CC2D2B: variants seen among roughly 807,000 people sequenced by gnomAD.
CC2D2B encodes the protein coiled-coil and C2 domain containing 2B.
A neutral mutation model predicts 161.2 loss-of-function variants in CC2D2B; 128 were observed. The observed-to-expected ratio is 0.79, with a 90% CI of 0.69 to 0.92. The LOEUF (loss-of-function observed/expected upper bound fraction) is 0.92, where lower values mean the gene tolerates loss of function less well. Ranked by LOEUF, CC2D2B falls within the 40% of genes least tolerant of loss-of-function variation. The pLI, the probability that CC2D2B is intolerant of heterozygous loss-of-function variation, is 0.00. For synonymous variants in CC2D2B, 391 were observed against 449.8 expected, an observed-to-expected ratio of 0.87 and a Z score of 1.65; for missense variants, 1,173 against 1,375.1, an observed-to-expected ratio of 0.85 and a Z score of 2.32.
rs2098541089 is a variant in CC2D2B at position 95,927,269 on chromosome 10, A to G, written c.273A>G (p.Glu91=). The stretch of plus-strand genomic sequence containing the variant: ...CACAGACTGAAGTCTCATTGGATGA[A>G]AGTCTTTCATTTTTCATTCTGAGTG... ...LSPQTEVSLD[E]SLSFFILSGE... Residue 91 remains glutamate (E), a synonymous_variant, in exon 6 of 35, where the codon GAA becomes GAG. Transcript: ENST00000646931. 1 of 1,550,986 alleles carries G rather than the reference A, an allele frequency of 6.4e-7. No homozygotes were observed. Among genetic ancestry groups the G allele is most frequent in the Non-Finnish European group, 8.7e-7 (1 of 1,146,180 alleles).
In CC2D2B at chr10:95,972,197, C is replaced by G; in HGVS notation, c.1776C>G (p.Ala592=). 1 of 1,232,002 alleles carries G rather than the reference C, an allele frequency of 8.1e-7. No individual in the cohort carries two copies. Among genetic ancestry groups the G allele is most frequent in the Non-Finnish European group, 1.0e-6 (1 of 987,892 alleles). 76.3% of individuals were successfully genotyped at this position (1,232,002 alleles called of 1,614,324 possible). A position where few individuals can be genotyped will look rare whatever the true frequency, so the allele number is the denominator to read the frequency against. ...EFSSDKLVMP[A]DGEVGSNVPF... is the part of the protein sequence containing the mutation. The stretch of plus-strand genomic sequence containing the variant: ...GCTCTGATAAGCTGGTCATGCCTGC[C>G]GATGGAGAAGTAGGAAGCAGTGAGT... Residue 592 remains alanine (A), a synonymous_variant, in exon 16 of 35, where the codon GCC becomes GCG. Coordinates refer to ENST00000646931, the MANE Select transcript of CC2D2B (RefSeq NM_001349008.3).
chr10:95,949,769 A>G (rs2076341091), intron 9 of CC2D2B, 127 bp from the exon 10 acceptor site: 1 of 395,450 alleles, frequency 2.5e-6, no homozygotes, highest in Non-Finnish European at 4.4e-6. Flanking sequence ...TCAAATTATT[A>G]TTTTTTGTTT....
intron 30 of CC2D2B, among the ~76,000 whole-genome samples, chr10:96,017,888 A>G (rs976130618): frequency 6.6e-6 from 1 of 152,120 alleles, no homozygotes; most frequent in African/African-American, 2.4e-5. Flanking sequence ...AGTGAGCTAT[A>G]ATGGCACCAC....
chr10:95,971,806 T>G (rs935080098), intron 15 of CC2D2B, among the ~76,000 whole-genome samples: 8 of 152,360 alleles, frequency 5.3e-5, no homozygotes, highest in African/African-American at 1.9e-4. Context: ...TTATGTTATA[T>G]GTACCTCATA....
At chr10:95,993,886 TATAG>T (rs1355843592) in intron 22 of CC2D2B, among the ~76,000 whole-genome samples, 11,120 of 98,636 alleles carry the variant, frequency 0.11, 746 homozygotes, top group Middle Eastern at 0.18. Context: ...TATATATATA[TATAG>T]AGAGAGAGAA....
chr10:96,000,359 A>AT, intron 24 of CC2D2B: 4 of 356,376 alleles, frequency 1.1e-5, no homozygotes, highest in East Asian at 1.6e-4. Flanking sequence ...AAATAAATAA[A>AT]ATGTATTTAT....
At chr10:96,030,928 AC>A (rs2141995159) in intron 34 of CC2D2B, among the ~76,000 whole-genome samples, 1 of 152,298 alleles carries the variant, frequency 6.6e-6, no homozygotes, top group Admixed American at 6.5e-5. Context: ...AGTAGCTTTG[AC>A]CTAGGGCAAG....
intron 17 of CC2D2B, among the ~76,000 whole-genome samples, chr10:95,980,471 A>G (rs887095452): frequency 1.3e-5 from 2 of 152,130 alleles, no homozygotes; most frequent in African/African-American, 2.4e-5. Context: ...TTTCTAATCT[A>G]TTCGTTAAGA....
intron 11 of CC2D2B, among the ~76,000 whole-genome samples, chr10:95,959,443 T>C (rs887879509): frequency 1.6e-4 from 24 of 152,144 alleles, no homozygotes; most frequent in African/African-American, 5.8e-4. Flanking sequence ...TCTTATTTAA[T>C]GATAACTACT....
intron 17 of CC2D2B, among the ~76,000 whole-genome samples, chr10:95,980,552 C>G (rs2077477518): frequency 6.6e-6 from 1 of 152,102 alleles, no homozygotes; most frequent in Non-Finnish European, 1.5e-5. Flanking sequence ...AAATTTATTA[C>G]ATGATGGTGT....
chr10:95,926,873 TGC>T (rs1554829000), intron 5 of CC2D2B, among the ~76,000 whole-genome samples: 1 of 150,156 alleles, frequency 6.7e-6, no homozygotes, highest in Non-Finnish European at 1.5e-5. Context: ...TGTGTGTGTG[TGC>T]GCGCGCCTGA....
In CC2D2B at chr10:95,938,054, G is replaced by A. The variant is rs376030619; in HGVS notation, c.400G>A (p.Glu134Lys). 124 of 1,550,780 alleles carry A rather than the reference G, an allele frequency of 8.0e-5. No individual in the cohort carries two copies. Among genetic ancestry groups the A allele is most frequent in the Non-Finnish European group, 1.0e-4 (116 of 1,146,370 alleles). ...SLGVNLQNVA[E>K]SEEEEFMKEF... ...TGGTGTTAATTTACAAAATGTTGCT[G>A]AGAGTGAAGAGGAAGAGTTTATGAA... The change falls in exon 7 of 35, where the codon GAG becomes AAG. Residue 134 changes from glutamate (E) to lysine (K), a missense_variant. Glu to Lys is a moderately conservative substitution (Grantham distance 56). Transcript: ENST00000646931.
intron 15 of CC2D2B, among the ~76,000 whole-genome samples, chr10:95,970,066 C>A (rs1262804883): frequency 6.7e-6 from 1 of 149,754 alleles, no homozygotes; most frequent in African/African-American, 2.5e-5. Flanking sequence ...GATGAAGTCT[C>A]ACCCTGTTGC....
chr10:95,949,749 G>A lies in CC2D2B; in HGVS notation c.802-147G>A, dbSNP rs2076340121. ...AAATTAAGGGCCATAATCAATTTAA[G>A]GAAAAGGAATCAAATTATTATTTTT... On this transcript the variant is annotated intron_variant, in intron 9 of 34. Coordinates refer to ENST00000646931, the MANE Select transcript of CC2D2B (RefSeq NM_001349008.3). 3 of 391,988 alleles carry A rather than the reference G, an allele frequency of 7.7e-6. No individual in the cohort carries two copies. In the Admixed American group the frequency reaches 1.3e-4, roughly 17 times the overall value. 24.3% of individuals were successfully genotyped at this position (391,988 alleles called of 1,614,324 possible). A position where few individuals can be genotyped will look rare whatever the true frequency, so the allele number is the denominator to read the frequency against.
In CC2D2B at chr10:95,924,309, G is replaced by C. The variant is rs1165378673; in HGVS notation, c.98-5G>C. 5.5e-6 allele frequency: 8 copies of C among 1,464,302 alleles called. No individual in the cohort carries two copies. The highest frequency in any genetic ancestry group is 1.4e-5 in the African/African-American group (1 of 69,076). The allele number at this position is 1,464,302 out of a possible 1,614,324, so 90.7% of individuals were successfully genotyped here. A position where few individuals can be genotyped will look rare whatever the true frequency, so the allele number is the denominator to read the frequency against. Reference sequence around the variant, plus strand: ...AAACTCTTTATTATGTTGGTTTCCTGATAGATTTAGATGCAGAAGAAAATC... The same window carrying C: ...AAACTCTTTATTATGTTGGTTTCCTCATAGATTTAGATGCAGAAGAAAATC... On this transcript the variant is annotated splice_polypyrimidine_tract_variant and splice_region_variant and intron_variant, in intron 3 of 34. Transcript: ENST00000646931.
Position 95,962,660 on chromosome 10 carries a change from A to G in CC2D2B, c.1250+691A>G, listed in dbSNP as rs74582962. Among the ~76,000 whole-genome samples the G allele has an allele frequency of 3.0e-3, 459 of 151,614 alleles. 6 individuals carry two copies. Among genetic ancestry groups the G allele is most frequent in the African/African-American group, 0.011 (446 of 41,312 alleles). On this transcript the variant is annotated intron_variant, in intron 12 of 34. Coordinates refer to ENST00000646931, the MANE Select transcript of CC2D2B (RefSeq NM_001349008.3). ...ATAACTAATTTTCTCCCCACAACCC[A>G]TTGTCCTGGGTCTTTTGGTTTTCAA...
intron 24 of CC2D2B, among the ~76,000 whole-genome samples, chr10:95,998,403 T>C (rs187170502): frequency 5.9e-5 from 9 of 152,304 alleles, no homozygotes; most frequent in African/African-American, 1.9e-4. Context: ...CTAAACATCC[T>C]GTGTGCTCTG....
At chr10:96,007,375 A>C (rs2078798134) in intron 25 of CC2D2B, among the ~76,000 whole-genome samples, 1 of 152,158 alleles carries the variant, frequency 6.6e-6, no homozygotes, top group South Asian at 2.1e-4. Flanking sequence ...ATAGAGCTAT[A>C]ATCAATAGCC....
At chr10:96,000,333 T>TAATA (rs3030829) in intron 24 of CC2D2B, 65,779 of 241,330 alleles carry the variant, frequency 0.27, 12,057 homozygotes, top group East Asian at 0.78. Context: ...TATTTATTTA[T>TAATA]AATAAATAAA....
Sources: gnomAD v4.1 joint callset for allele counts (sites outside exome capture counted in the v4.1 genomes callset) on GRCh38, gnomAD v4.1.1 for gene constraint, MANE v1.5 for transcripts, NCBI Gene and HGNC (gene_info 2026-07-23, HGNC 2026-07-21) for gene names.